The following TXNRD3 variants were observed in gnomAD, a reference collection of about 807,000 sequenced individuals.
TXNRD3 encodes thioredoxin reductase 3, also known as TXNRD3 neighbor gene protein.
In TXNRD3, 68 loss-of-function variants were observed where a neutral mutation model predicts 78.2. That is an observed-to-expected ratio of 0.87 (90% CI 0.72 to 1.06). The LOEUF (loss-of-function observed/expected upper bound fraction) is 1.06, where lower values mean the gene tolerates loss of function less well. Ranked by LOEUF, TXNRD3 falls within the 50% of genes least tolerant of loss-of-function variation. TXNRD3 has a pLI of 0.00. For missense variants in TXNRD3, 751 were observed against 809.5 expected (o/e 0.93, Z 0.88); for synonymous variants, 296 against 300.1 (o/e 0.99, Z 0.14).
At chr3:126,643,707 A>C (rs1933148775) in intron 5 of TXNRD3, among the ~76,000 whole-genome samples, 1 of 151,658 alleles carries the variant, frequency 6.6e-6, no homozygotes, top group Non-Finnish European at 1.5e-5. Context: ...ACTAAGACTC[A>C]GTTTCTTTTT....
intron 15 of TXNRD3, 40 bp downstream of exon 15, chr3:126,608,459 C>T (rs1345041350): frequency 1.1e-5 from 16 of 1,501,476 alleles, no homozygotes; most frequent in Non-Finnish European, 7.1e-6. Flanking sequence ...TTTCAAACTA[C>T]ATCAACTGAA....
intron 10 of TXNRD3, among the ~76,000 whole-genome samples, chr3:126,628,237 C>T (rs1938625156): frequency 6.6e-6 from 1 of 152,046 alleles, no homozygotes; most frequent in South Asian, 2.1e-4. Flanking sequence ...CTACAGAAAA[C>T]ATTGCTTTTT....
At chr3:126,638,673 C>T (rs1238892279) in intron 6 of TXNRD3, among the ~76,000 whole-genome samples, 5 of 151,982 alleles carry the variant, frequency 3.3e-5, no homozygotes, top group African/African-American at 4.8e-5. Context: ...GATGGAGGAA[C>T]GCAGTGAGCT....
At chr3:126,654,191 T>G (rs1933454766) in intron 1 of TXNRD3, among the ~76,000 whole-genome samples, 2 of 152,216 alleles carry the variant, frequency 1.3e-5, no homozygotes, top group African/African-American at 4.8e-5. Flanking sequence ...CAAATATATT[T>G]GAAAAACACA....
intron 14 of TXNRD3, among the ~76,000 whole-genome samples, chr3:126,609,880 A>G (rs1405526857): frequency 6.6e-6 from 1 of 152,186 alleles, no homozygotes; most frequent in Non-Finnish European, 1.5e-5. Context: ...TCAGAGGGTA[A>G]CAATGTGTAC....
chr3:126,635,383 A>G (rs1216959747), intron 6 of TXNRD3, among the ~76,000 whole-genome samples: 1 of 152,210 alleles, frequency 6.6e-6, no homozygotes, highest in Non-Finnish European at 1.5e-5. Context: ...CAGAACCTGT[A>G]CAGTTAAAAA....
At chr3:126,646,562 A>G (rs1344006712) in intron 2 of TXNRD3, among the ~76,000 whole-genome samples, 1 of 152,218 alleles carries the variant, frequency 6.6e-6, no homozygotes, top group Non-Finnish European at 1.5e-5. Flanking sequence ...TACTTCTTAC[A>G]ATTACATTTG....
At chr3:126,624,070 A>G (rs73197938) in intron 10 of TXNRD3, among the ~76,000 whole-genome samples, 1,886 of 152,232 alleles carry the variant, frequency 0.012, 23 homozygotes, top group South Asian at 0.025. Flanking sequence ...CTAGAGCCCA[A>G]TGATAAAACA....
intron 2 of TXNRD3, 64 bp downstream of exon 2, chr3:126,647,172 G>A: frequency 8.0e-7 from 1 of 1,256,642 alleles, no homozygotes; most frequent in Non-Finnish European, 1.1e-6. Context: ...CAAAGTAAAT[G>A]GAAAGAAGTC....
At position 126,654,770 on chromosome 3, in the gene TXNRD3, C is replaced by T; in HGVS notation, c.221G>A (p.Ser74Asn). ...TACCCGAGTACTATGGGGACAGTAGCTCTTGCTGAAGATCACCACCCGGCT... is the reference window on the plus strand; with the variant it reads ...TACCCGAGTACTATGGGGACAGTAGTTCTTGCTGAAGATCACCACCCGGCT... The change falls in exon 1 of 16, where the codon AGC becomes AAC. Residue 74 changes from serine to asparagine, a missense_variant. Transcript: ENST00000524230. 2.8e-6 allele frequency: 4 copies of T among 1,421,042 alleles called. No individual in the cohort carries two copies. Among genetic ancestry groups the T allele is most frequent in the Non-Finnish European group, 3.7e-6 (4 of 1,087,690 alleles). 88.0% of individuals were successfully genotyped at this position (1,421,042 alleles called of 1,614,324 possible).
intron 4 of TXNRD3, 91 bp from the exon 5 acceptor site, chr3:126,644,144 T>C (rs950876757): frequency 1.4e-6 from 2 of 1,416,568 alleles, no homozygotes; most frequent in Non-Finnish European, 1.9e-6. Context: ...AAGACTGTTT[T>C]TGTGTGACAC....
At chr3:126,653,814 C>G (rs1190212351) in intron 1 of TXNRD3, among the ~76,000 whole-genome samples, 1 of 152,136 alleles carries the variant, frequency 6.6e-6, no homozygotes, top group Non-Finnish European at 1.5e-5. Flanking sequence ...ATGATAAACT[C>G]CGGTACGATT....
intron 12 of TXNRD3, 47 bp downstream of exon 12, chr3:126,621,695 T>C: frequency 7.1e-7 from 1 of 1,405,208 alleles, no homozygotes. Flanking sequence ...GTTTTAAAAA[T>C]CATGATCTTG....
At chr3:126,647,344 G>C in intron 1 of TXNRD3, 48 bp from the exon 2 acceptor site, 6 of 1,307,584 alleles carry the variant, frequency 4.6e-6, no homozygotes, top group Non-Finnish European at 6.4e-6. Flanking sequence ...AGATTCAACA[G>C]CTATGAAATA....
intron 13 of TXNRD3, among the ~76,000 whole-genome samples, chr3:126,611,522 TGAG>T (rs1245318176): frequency 6.6e-6 from 1 of 152,062 alleles, no homozygotes; most frequent in African/African-American, 2.4e-5. Context: ...CCAGCAAACT[TGAG>T]GAGGCGCAGA....
chr3:126,652,836 G>A (rs1353484242), intron 1 of TXNRD3, among the ~76,000 whole-genome samples: 1 of 152,184 alleles, frequency 6.6e-6, no homozygotes, highest in Admixed American at 6.5e-5. Flanking sequence ...ATAAATTATT[G>A]CCAAATAAAA....
In TXNRD3 at chr3:126,629,467, T is replaced by C; in HGVS notation, c.1202A>G (p.Gln401Arg). 2 of 1,534,526 alleles carry C rather than the reference T, an allele frequency of 1.3e-6. No individual in the cohort carries two copies. Among genetic ancestry groups the C allele is most frequent in the Non-Finnish European group, 1.7e-6 (2 of 1,145,726 alleles). ...TCCAGGTGAACCTTTCTCCAACTGT[T>C]GAACCTAGTAAGAATGAAGAGTGTA... The change falls in exon 10 of 16, where the codon CAA becomes CGA. Residue 401 changes from glutamine (Q) to arginine (R), a missense_variant. Physicochemically the swap from Gln to Arg is conservative, Grantham distance 43 (BLOSUM62 1). Coordinates refer to ENST00000524230, the MANE Select transcript of TXNRD3 (RefSeq NM_052883.3).
At position 126,607,798 on chromosome 3, in the gene TXNRD3, C is replaced by T; in HGVS notation, c.*107G>A. ...GTCGTAAGACAGCCCTGCACTGGTCCCTGAGTAACAGAGCAGCTGTCATGA... is the reference window on the plus strand; with the variant it reads ...GTCGTAAGACAGCCCTGCACTGGTCTCTGAGTAACAGAGCAGCTGTCATGA... On this transcript the variant is annotated 3_prime_UTR_variant, in exon 16 of 16. Coordinates refer to ENST00000524230, the MANE Select transcript of TXNRD3 (RefSeq NM_052883.3). The T allele has an allele frequency of 1.1e-6, 1 of 884,686 alleles. No homozygotes were observed. The highest frequency in any genetic ancestry group is 2.2e-5 in the South Asian group (1 of 44,798). The allele number at this position is 884,686 out of a possible 1,614,324, so 54.8% of individuals were successfully genotyped here. A position where few individuals can be genotyped will look rare whatever the true frequency, so the allele number is the denominator to read the frequency against.
chr3:126,630,604 C>A, intron 9 of TXNRD3, 108 bp downstream of exon 9: 1 of 1,200,868 alleles, frequency 8.3e-7, no homozygotes. Context: ...AGTGGAAACA[C>A]TGTTTTAACA....
Sources: allele counts gnomAD v4.1 joint callset (sites outside exome capture counted in the v4.1 genomes callset), GRCh38; gene constraint gnomAD v4.1.1; transcripts MANE v1.5; gene names NCBI Gene and HGNC (gene_info 2026-07-23, HGNC 2026-07-21).